The following PDE11A variants were observed in gnomAD, a reference collection of about 807,000 sequenced individuals.
PDE11A encodes the protein dual 3',5'-cyclic-AMP and -GMP phosphodiesterase 11A.
PDE11A carries 100 observed loss-of-function variants against 100.5 expected under a neutral mutation model. The ratio of observed to expected loss-of-function variants is 1.00; its 90% CI spans 0.85 to 1.18. The LOEUF is 1.18. PDE11A is among the 50% of genes most tolerant of loss of function. PDE11A has a pLI of 0.00. For missense variants in PDE11A, 1,141 were observed against 1,152.6 expected, an observed-to-expected ratio of 0.99 and a Z score of 0.15; for synonymous variants, 381 against 420.8, an observed-to-expected ratio of 0.91 and a Z score of 1.16.
chr2:177,810,449 A>G (rs145149577), intron 9 of PDE11A, among the ~76,000 whole-genome samples: 6 of 152,288 alleles, frequency 3.9e-5, no homozygotes, highest in African/African-American at 1.2e-4. Flanking sequence ...GGGATTAGAA[A>G]TTTTTATAGA....
intron 5 of PDE11A, among the ~76,000 whole-genome samples, chr2:177,858,395 T>C (rs1415156030): frequency 7.1e-6 from 1 of 141,642 alleles, no homozygotes. Flanking sequence ...TCAAACAAAT[T>C]TACAAGAAAA....
intron 1 of PDE11A, among the ~76,000 whole-genome samples, chr2:178,022,481 AT>A (rs5836639): frequency 0.73 from 109,982 of 151,532 alleles, 40,539 homozygotes; most frequent in East Asian, 0.81. Context: ...GACATAGACG[AT>A]TTTTTTTTTT....
chr2:178,046,942 T>C (rs1184217656), intron 1 of PDE11A, among the ~76,000 whole-genome samples: 1 of 152,186 alleles, frequency 6.6e-6, no homozygotes, highest in African/African-American at 2.4e-5. Flanking sequence ...TTGAGGCATA[T>C]ATCTTTTGTC....
intron 15 of PDE11A, among the ~76,000 whole-genome samples, chr2:177,682,246 C>T (rs1451130930): frequency 6.6e-6 from 1 of 152,218 alleles, no homozygotes; most frequent in Non-Finnish European, 1.5e-5. Flanking sequence ...CCACTCCCCA[C>T]TTCAAGATGT....
At position 177,848,020 on chromosome 2, in the gene PDE11A, C is replaced by A. The variant is rs1369369772; in HGVS notation, c.1368-7637G>T. On this transcript the variant is annotated intron_variant, in intron 5 of 19. Coordinates refer to ENST00000286063, the MANE Select transcript of PDE11A (RefSeq NM_016953.4). ...TGTGTGTGTGTGTGTGTAGCCAACA[C>A]ATTAACTGTACACTGGTGCATAACA... Among the ~76,000 whole-genome samples the A allele has an allele frequency of 2.6e-5, 4 of 152,066 alleles. No individual in the cohort carries two copies. The East Asian group carries it at 5.8e-4, about 22-fold the overall frequency.
intron 2 of PDE11A, among the ~76,000 whole-genome samples, chr2:177,964,985 C>G (rs1435338362): frequency 6.6e-6 from 1 of 152,200 alleles, no homozygotes. Flanking sequence ...TACATTCCCA[C>G]CAGCAGTGTA....
intron 2 of PDE11A, among the ~76,000 whole-genome samples, chr2:177,908,562 G>T (rs2084826833): frequency 6.6e-6 from 1 of 152,186 alleles, no homozygotes; most frequent in African/African-American, 2.4e-5. Context: ...GGCCCATCAG[G>T]TATGAAATGT....
intron 1 of PDE11A, among the ~76,000 whole-genome samples, chr2:178,028,595 T>C (rs953792273): frequency 6.6e-6 from 1 of 152,222 alleles, no homozygotes; most frequent in African/African-American, 2.4e-5. Flanking sequence ...CCACCTTGGA[T>C]AGAGTTGATT....
chr2:177,838,713 T>C (rs1476346506), intron 6 of PDE11A, among the ~76,000 whole-genome samples: 8 of 152,168 alleles, frequency 5.3e-5, no homozygotes, highest in Non-Finnish European at 7.3e-5. Flanking sequence ...ACTTCTCTGA[T>C]ATAAAATCAG....
chr2:177,998,503 T>G (rs1403056305), intron 2 of PDE11A: 5 of 1,384,968 alleles, frequency 3.6e-6, no homozygotes, highest in Non-Finnish European at 5.1e-6. Flanking sequence ...TCTCCAGTGG[T>G]AAATTGAGGC....
At position 178,014,432 on chromosome 2, in the gene PDE11A, T is replaced by A; in HGVS notation, c.941A>T (p.Lys314Met). ...QDRRFNDEID[K>M]LTGYKTKSLL... ...TGATTTTGTCTTGTATCCAGTTAGC[T>A]TGTCGATTTCATCATTGAATCGTCG... Residue 314 changes from lysine (K) to methionine (M), a missense_variant, in exon 2 of 20, where the codon AAG (lysine) becomes ATG (methionine). Transcript: ENST00000286063. 6.2e-7 allele frequency: 1 copy of A among 1,613,388 alleles called. No homozygotes were observed.
intron 4 of PDE11A, among the ~76,000 whole-genome samples, chr2:177,881,962 G>A (rs899570492): frequency 6.6e-6 from 1 of 152,214 alleles, no homozygotes; most frequent in Non-Finnish European, 1.5e-5. Flanking sequence ...ATATTCCCAT[G>A]TAATATAGCT....
intron 10 of PDE11A, among the ~76,000 whole-genome samples, chr2:177,738,683 C>T (rs2105461778): frequency 1.3e-5 from 2 of 152,340 alleles, no homozygotes; most frequent in Middle Eastern, 3.4e-3. Flanking sequence ...CTCACTGACC[C>T]TCCCTGCTGC....
chr2:177,641,280 C>A (rs1231543113), intron 19 of PDE11A, among the ~76,000 whole-genome samples: 1 of 152,048 alleles, frequency 6.6e-6, no homozygotes, highest in African/African-American at 2.4e-5. Flanking sequence ...AGAAACAAAA[C>A]AAAACAGAAA....
At chr2:177,899,391 A>T (rs905471468) in intron 3 of PDE11A, 1 of 185,738 alleles carries the variant, frequency 5.4e-6, no homozygotes, top group African/African-American at 2.4e-5. Context: ...TGGACAACAG[A>T]GTGAGACTCT....
chr2:177,654,305 A>G (rs558591497), intron 19 of PDE11A, among the ~76,000 whole-genome samples: 4 of 152,322 alleles, frequency 2.6e-5, no homozygotes, highest in African/African-American at 9.6e-5. Flanking sequence ...AGATCACTTT[A>G]GCTCAGGGGT....
intron 6 of PDE11A, among the ~76,000 whole-genome samples, chr2:177,835,749 G>A (rs1483396246): frequency 1.3e-5 from 2 of 152,098 alleles, no homozygotes; most frequent in African/African-American, 4.8e-5. Context: ...CGTGGGCTCC[G>A]CGGGCCCTGC....
intron 6 of PDE11A, among the ~76,000 whole-genome samples, chr2:177,830,601 AAATAATAAT>A (rs56365605): frequency 0.53 from 74,344 of 139,772 alleles, 22,289 homozygotes; most frequent in Admixed American, 0.66. Flanking sequence ...ACTCCATCTC[AAATAATAAT>A]AATAATAATA....
chr2:178,055,762 T>C (rs1353987019), intron 1 of PDE11A, among the ~76,000 whole-genome samples: 12 of 152,196 alleles, frequency 7.9e-5, no homozygotes, highest in Non-Finnish European at 7.3e-5. Context: ...AAAAGTCATC[T>C]GATGCTCCTT....
Sources: allele counts gnomAD v4.1 joint callset (sites outside exome capture counted in the v4.1 genomes callset), GRCh38; gene constraint gnomAD v4.1.1; transcripts MANE v1.5; gene names NCBI Gene and HGNC (gene_info 2026-07-23, HGNC 2026-07-21).